The following SLC6A5 variants were observed in gnomAD, a reference collection of about 807,000 sequenced individuals.
The protein encoded by SLC6A5 is sodium- and chloride-dependent glycine transporter 2.
In SLC6A5, 58 loss-of-function variants were observed where a neutral mutation model predicts 90.5. That is an observed-to-expected ratio of 0.64 (90% confidence interval 0.52 to 0.80). SLC6A5 has a LOEUF of 0.80. Ranked by LOEUF, SLC6A5 falls within the 30% of genes least tolerant of loss-of-function variation. The pLI, the probability that SLC6A5 is intolerant of heterozygous loss-of-function variation, is 0.00. For synonymous variants in SLC6A5, 427 were observed against 401.4 expected (o/e 1.06, Z -0.76); for missense variants, 1,015 against 1,017.6 (o/e 1.00, Z 0.03).
intron 3 of SLC6A5, among the ~76,000 whole-genome samples, chr11:20,605,698 C>G (rs1207641846): frequency 6.6e-6 from 1 of 152,252 alleles, no homozygotes; most frequent in African/African-American, 2.4e-5. Context: ...CGCCCGGGAT[C>G]TGCGAAGAGC....
intron 5 of SLC6A5, among the ~76,000 whole-genome samples, chr11:20,614,249 T>C (rs902971821): frequency 6.6e-6 from 1 of 152,210 alleles, no homozygotes; most frequent in Non-Finnish European, 1.5e-5. Flanking sequence ...TGCAGAGTCA[T>C]AAGGATCTGA....
rs1177507613 is a variant in SLC6A5 at position 20,601,141 on chromosome 11, C to A, written c.16C>A (p.Pro6Thr). 12 of 1,591,120 alleles carry A rather than the reference C, an allele frequency of 7.5e-6. No individual in the cohort carries two copies. Among genetic ancestry groups the A allele is most frequent in the Non-Finnish European group, 9.4e-6 (11 of 1,176,348 alleles). Residue 6 changes from proline to threonine, a missense_variant, in exon 2 of 16, where the codon CCC becomes ACC. Physicochemically the swap from Pro to Thr is conservative, Grantham distance 38. Coordinates refer to ENST00000525748, the MANE Select transcript of SLC6A5 (RefSeq NM_004211.5). MDCSA[P>T]KEMNKLPANS... The stretch of plus-strand genomic sequence containing the variant: ...ATTGTGTTTGCAGGATTGCAGTGCT[C>A]CCAAGGAAATGAATAAACTGCCAGC...
intron 7 of SLC6A5, among the ~76,000 whole-genome samples, chr11:20,622,384 G>A (rs1440734809): frequency 2.0e-5 from 3 of 152,122 alleles, no homozygotes; most frequent in Non-Finnish European, 2.9e-5. Context: ...GTGCAGGGCC[G>A]GCACCTGACA....
Position 20,630,789 on chromosome 11 carries a change from T to C in SLC6A5, c.1598T>C (p.Val533Ala). The C allele has an allele frequency of 6.2e-7, 1 of 1,614,222 alleles. No homozygotes were observed. The highest frequency in any genetic ancestry group is 8.5e-7 in the Non-Finnish European group (1 of 1,180,024). The part of the protein sequence containing the change: ...VIGFMANERK[V>A]NIENVADQGP... ...GGCTTCATGGCCAATGAACGCAAAGTCAACATTGAGAATGTGGCAGACCAA... is the reference window on the plus strand; with the variant it reads ...GGCTTCATGGCCAATGAACGCAAAGCCAACATTGAGAATGTGGCAGACCAA... Residue 533 changes from valine (V) to alanine (A), a missense_variant, in exon 10 of 16, where the codon GTC becomes GCC. Val to Ala is a moderately conservative substitution (Grantham distance 64). This residue lies in a region of SLC6A5 where 442 missense variants were observed against 494.3 expected (regional missense o/e 0.89). Coordinates refer to ENST00000525748, the MANE Select transcript of SLC6A5 (RefSeq NM_004211.5).
At position 20,613,849 on chromosome 11, in the gene SLC6A5, T is replaced by TG. The variant is rs1240877484; in HGVS notation, c.986-824dup. On this transcript the variant is annotated intron_variant, in intron 5 of 15. Transcript: ENST00000525748. The stretch of plus-strand genomic sequence containing the variant: ...TAAGGGACTGAACAATTCTTTGTTG[T>TG]GGGGGGCTGTCCTGTGCATTGTAGG... Among the ~76,000 whole-genome samples, 15 of 152,042 alleles carry TG rather than the reference T, an allele frequency of 9.9e-5. No individual in the cohort carries two copies. In the South Asian group the frequency reaches 3.1e-3, roughly 32 times the overall value.
Position 20,652,359 on chromosome 11 carries a change from C to A in SLC6A5, c.2141C>A (p.Ser714Tyr). 6.2e-7 allele frequency: 1 copy of A among 1,614,020 alleles called. No homozygotes were observed. Residue 714 changes from serine (S) to tyrosine (Y), a missense_variant, in exon 15 of 16, where the codon TCC (serine) becomes TAC (tyrosine). Around this residue, in one of 3 missense-constraint regions of SLC6A5, gnomAD observed 442 missense variants for 494.3 expected, o/e 0.89. Coordinates refer to ENST00000525748, the MANE Select transcript of SLC6A5 (RefSeq NM_004211.5). ...GGCTCTTACCGCTATCCTAACTGGT[C>A]CATGGTGCTCGGATGGCTAATGCTC... ...TYGSYRYPNW[S>Y]MVLGWLMLAC...
At chr11:20,630,011 C>A (rs1021097560) in intron 9 of SLC6A5, among the ~76,000 whole-genome samples, 14 of 152,190 alleles carry the variant, frequency 9.2e-5, no homozygotes, top group African/African-American at 2.9e-4. Context: ...GTATGAGCCA[C>A]CGTGCCCGGC....
At chr11:20,646,749 G>A in intron 13 of SLC6A5, 85 bp from the exon 14 acceptor site, 1 of 903,982 alleles carries the variant, frequency 1.1e-6, no homozygotes, top group South Asian at 1.3e-5. Context: ...TGGTGCTTGA[G>A]TGAGGGGCTC....
intron 8 of SLC6A5, 132 bp downstream of exon 8, chr11:20,626,974 C>T (rs1032876357): frequency 7.0e-5 from 51 of 728,962 alleles, no homozygotes; most frequent in Middle Eastern, 3.7e-4. Flanking sequence ...GATCTTGGTA[C>T]ATTATGCACT....
intron 13 of SLC6A5, among the ~76,000 whole-genome samples, chr11:20,640,665 G>A (rs1021909920): frequency 1.1e-4 from 16 of 148,444 alleles, no homozygotes; most frequent in African/African-American, 3.7e-4. Context: ...TGAATCTCAG[G>A]AAGAAAAATA....
At chr11:20,652,065 T>C (rs1471420260) in intron 14 of SLC6A5, among the ~76,000 whole-genome samples, 1 of 152,194 alleles carries the variant, frequency 6.6e-6, no homozygotes, top group Non-Finnish European at 1.5e-5. Context: ...ATTGCTCCGC[T>C]CCCATGGTTT....
chr11:20,617,020 A>C (rs1340193874), intron 6 of SLC6A5, among the ~76,000 whole-genome samples: 3 of 152,228 alleles, frequency 2.0e-5, no homozygotes, highest in African/African-American at 7.2e-5. Flanking sequence ...GTTATCAGGC[A>C]CTGTCCCTGA....
At chr11:20,630,844 C>T in intron 10 of SLC6A5, 29 bp downstream of exon 10, 1 of 1,613,052 alleles carries the variant, frequency 6.2e-7, no homozygotes, top group Non-Finnish European at 8.5e-7. Context: ...CCTGCTGTTG[C>T]AGGGCAGGTC....
At position 20,654,640 on chromosome 11, in the gene SLC6A5, G is replaced by C. The variant is rs1853606146; in HGVS notation, c.2239-73G>C. On this transcript the variant is annotated intron_variant, in intron 15 of 15. Coordinates refer to ENST00000525748, the MANE Select transcript of SLC6A5 (RefSeq NM_004211.5). Reference sequence around the variant, plus strand: ...TCAAAGTGGTCATAAGCAGTTTGGGGATGAGTGGGTCGTCCCCAGGTGAGG... The same window carrying C: ...TCAAAGTGGTCATAAGCAGTTTGGGCATGAGTGGGTCGTCCCCAGGTGAGG... 2.0e-6 allele frequency: 3 copies of C among 1,496,914 alleles called. No individual in the cohort carries two copies. In the East Asian group the frequency reaches 6.8e-5, roughly 34 times the overall value. The allele number at this position is 1,496,914 out of a possible 1,614,324, so 92.7% of individuals were successfully genotyped here.
At chr11:20,647,755 A>G (rs1853448815) in intron 14 of SLC6A5, among the ~76,000 whole-genome samples, 1 of 152,170 alleles carries the variant, frequency 6.6e-6, no homozygotes, top group African/African-American at 2.4e-5. Context: ...ACATCTAATA[A>G]TTATCAACAG....
rs1470670751 is a variant in SLC6A5 at position 20,601,380 on chromosome 11, G to T, written c.255G>T (p.Pro85=). ...PGVGSCKLSS[P]RAQAASAALR... is the part of the protein sequence containing the mutation. ...TGGGGTCTTGCAAACTCAGTAGCCC[G>T]CGGGCGCAGGCGGCCTCTGCAGCTC... is the stretch of plus-strand genomic sequence containing the variant. Residue 85 remains proline (P), a synonymous_variant, in exon 2 of 16, where the codon CCG becomes CCT. Coordinates refer to ENST00000525748, the MANE Select transcript of SLC6A5 (RefSeq NM_004211.5). 3.1e-6 allele frequency: 5 copies of T among 1,602,942 alleles called. No individual in the cohort carries two copies. Among genetic ancestry groups the T allele is most frequent in the Non-Finnish European group, 3.4e-6 (4 of 1,176,074 alleles).
intron 5 of SLC6A5, among the ~76,000 whole-genome samples, chr11:20,611,430 G>T (rs1467873119): frequency 1.3e-5 from 2 of 152,200 alleles, no homozygotes; most frequent in Non-Finnish European, 2.9e-5. Flanking sequence ...ACCCTAGCCT[G>T]GGTGACACAG....
At chr11:20,639,048 A>G (rs1184931399) in intron 13 of SLC6A5, among the ~76,000 whole-genome samples, 1 of 152,124 alleles carries the variant, frequency 6.6e-6, no homozygotes, top group Non-Finnish European at 1.5e-5. Flanking sequence ...GTGATGCAAT[A>G]TCTCAATCTC....
intron 1 of SLC6A5, 125 bp downstream of exon 1, chr11:20,599,800 A>G: frequency 9.0e-7 from 1 of 1,116,632 alleles, no homozygotes; most frequent in Non-Finnish European, 1.4e-6. Flanking sequence ...GGCGACGAGG[A>G]GAACAATTCT....
Sources: allele counts gnomAD v4.1 joint callset (sites outside exome capture counted in the v4.1 genomes callset), GRCh38; gene constraint gnomAD v4.1.1; regional missense constraint gnomAD v4.1.1; transcripts MANE v1.5; gene names NCBI Gene and HGNC (gene_info 2026-07-23, HGNC 2026-07-21).